DLGAP2: variants seen among roughly 807,000 people sequenced by gnomAD.
DLGAP2 encodes the protein DLG associated protein 2, also known as disks large-associated protein 2.
Under a neutral mutation model 100.3 loss-of-function variants are expected in DLGAP2, and 26 were observed. The ratio of observed to expected loss-of-function variants is 0.26; its 90% CI spans 0.19 to 0.36. The LOEUF is 0.36. Among genes scored for constraint, DLGAP2 ranks in the 10% least tolerant of loss-of-function variants. The pLI, the probability that DLGAP2 is intolerant of heterozygous loss-of-function variation, is 1.00. For synonymous variants in DLGAP2, 886 were observed against 630.1 expected (o/e 1.41, Z -6.08); for missense variants, 1,858 against 1,453.2 (o/e 1.28, Z -4.53).
chr8:1,023,103 C>T (rs1185328006), intron 2 of DLGAP2, among the ~76,000 whole-genome samples: 1 of 152,240 alleles, frequency 6.6e-6, no homozygotes, highest in African/African-American at 2.4e-5. Flanking sequence ...GTGACCTTTT[C>T]TCCCCAGGCA....
chr8:1,206,525 C>T (rs1332661676), intron 2 of DLGAP2, among the ~76,000 whole-genome samples: 2 of 151,284 alleles, frequency 1.3e-5, no homozygotes, highest in African/African-American at 4.9e-5. Flanking sequence ...TCCAGCCATC[C>T]GTGGACTGGG....
intron 3 of DLGAP2, among the ~76,000 whole-genome samples, chr8:1,443,305 C>A (rs529287633): frequency 1.3e-5 from 2 of 151,454 alleles, no homozygotes; most frequent in Non-Finnish European, 2.9e-5. Context: ...CAGAGATAAT[C>A]GCGGGTAACA....
chr8:1,291,330 T>C (rs1800053566), intron 3 of DLGAP2, among the ~76,000 whole-genome samples: 1 of 152,020 alleles, frequency 6.6e-6, no homozygotes, highest in Admixed American at 6.6e-5. Flanking sequence ...GGGAAAAGTG[T>C]GAAAATGGAA....
At chr8:1,467,521 G>A (rs770349931) in intron 3 of DLGAP2, among the ~76,000 whole-genome samples, 2 of 152,090 alleles carry the variant, frequency 1.3e-5, no homozygotes, top group African/African-American at 2.4e-5. Flanking sequence ...CCATTACCTT[G>A]GCAGAGCCCA....
chr8:1,688,336 C>T (rs1289671120), intron 12 of DLGAP2: 2 of 152,248 alleles, frequency 1.3e-5, no homozygotes, highest in Non-Finnish European at 1.5e-5. Context: ...TGTTAAGATG[C>T]CCGACAGACA....
intron 1 of DLGAP2, among the ~76,000 whole-genome samples, chr8:790,198 A>C (rs1365538950): frequency 6.6e-6 from 1 of 152,158 alleles, no homozygotes; most frequent in Admixed American, 6.5e-5. Context: ...TTTTGACAGG[A>C]ACAGAAAAGG....
intron 3 of DLGAP2, among the ~76,000 whole-genome samples, chr8:1,324,412 A>G (rs1241511485): frequency 3.9e-5 from 6 of 152,196 alleles, no homozygotes. Context: ...GCTGGCCTTT[A>G]TAAAATGCAC....
At chr8:1,031,052 C>T (rs935160281) in intron 2 of DLGAP2, among the ~76,000 whole-genome samples, 1 of 152,184 alleles carries the variant, frequency 6.6e-6, no homozygotes, top group African/African-American at 2.4e-5. Context: ...GGTCTTCTGC[C>T]TCCACTCTGT....
chr8:1,074,857 G>A (rs1803554348), intron 2 of DLGAP2, among the ~76,000 whole-genome samples: 1 of 152,194 alleles, frequency 6.6e-6, no homozygotes, highest in Admixed American at 6.5e-5. Context: ...GCCTCCAAGA[G>A]GTCACTGGGT....
chr8:1,539,781 G>A (rs1346006126), intron 4 of DLGAP2, among the ~76,000 whole-genome samples: 3 of 152,170 alleles, frequency 2.0e-5, no homozygotes, highest in Admixed American at 6.5e-5. Context: ...CTGTGTGGAT[G>A]TGTGACACAC....
At chr8:894,811 C>T (rs1216248210) in intron 1 of DLGAP2, among the ~76,000 whole-genome samples, 3 of 31,902 alleles carry the variant, frequency 9.4e-5, no homozygotes, top group African/African-American at 4.1e-4. Flanking sequence ...AGAGTGGTGG[C>T]TGGCAGGGGT....
In DLGAP2 at chr8:1,338,018, C is replaced by G. The variant is rs12543586; in HGVS notation, c.106+79135C>G. Among the ~76,000 whole-genome samples the G allele has an allele frequency of 3.3e-5, 5 of 152,200 alleles. No individual in the cohort carries two copies. The Middle Eastern group carries it at 0.01, about 311-fold the overall frequency. ...TGCATTCCCACTAGGACGGCTGTCA[C>G]TGAAGAATGGACAATGACAAGTATT... is the stretch of plus-strand genomic sequence containing the variant. On this transcript the variant is annotated intron_variant, in intron 3 of 14. Transcript: ENST00000637795.
intron 8 of DLGAP2, among the ~76,000 whole-genome samples, chr8:1,656,392 A>G (rs946794453): frequency 2.0e-5 from 3 of 151,992 alleles, no homozygotes; most frequent in African/African-American, 7.3e-5. Flanking sequence ...AGCCTTTCTG[A>G]CACAACTGTG....
At chr8:1,465,234 G>A (rs1053493528) in intron 3 of DLGAP2, among the ~76,000 whole-genome samples, 1 of 152,232 alleles carries the variant, frequency 6.6e-6, no homozygotes, top group African/African-American at 2.4e-5. Flanking sequence ...CCCCACACGT[G>A]GGTTCCATTC....
intron 2 of DLGAP2, among the ~76,000 whole-genome samples, chr8:1,163,918 G>C (rs562098270): frequency 3.4e-4 from 52 of 152,360 alleles, no homozygotes; most frequent in African/African-American, 1.2e-3. Context: ...CGGCGTCCGC[G>C]GGCCCTGGCT....
intron 2 of DLGAP2, among the ~76,000 whole-genome samples, chr8:1,094,971 G>A (rs1040116303): frequency 1.3e-5 from 2 of 152,200 alleles, no homozygotes; most frequent in Admixed American, 6.5e-5. Context: ...CTTCAGGAGC[G>A]GCACTTCCAG....
chr8:1,567,397 A>G (rs530616901), intron 6 of DLGAP2, among the ~76,000 whole-genome samples: 2 of 152,342 alleles, frequency 1.3e-5, no homozygotes, highest in Admixed American at 1.3e-4. Flanking sequence ...CCCCAGGTAA[A>G]CAGCCATTGG....
intron 2 of DLGAP2, among the ~76,000 whole-genome samples, chr8:951,944 T>C (rs1326022961): frequency 6.6e-6 from 1 of 152,144 alleles, no homozygotes; most frequent in Non-Finnish European, 1.5e-5. Context: ...AGGGGATGAG[T>C]TCTGGGCATG....
chr8:953,830 C>G (rs892411524), intron 2 of DLGAP2, among the ~76,000 whole-genome samples: 9 of 152,166 alleles, frequency 5.9e-5, no homozygotes, highest in Non-Finnish European at 1.3e-4. Flanking sequence ...ATGGGACTTT[C>G]CATTTGGTCA....
Sources: allele counts gnomAD v4.1 joint callset (sites outside exome capture counted in the v4.1 genomes callset), GRCh38; gene constraint gnomAD v4.1.1; transcripts MANE v1.5; gene names NCBI Gene and HGNC (gene_info 2026-07-23, HGNC 2026-07-21).